Variants in ZNF385D observed in about 807,000 individuals in gnomAD.
The protein encoded by ZNF385D is zinc finger protein 659.
Under a neutral mutation model 35.8 loss-of-function variants are expected in ZNF385D, and 15 were observed. The observed-to-expected ratio is 0.42, with a 90% CI of 0.28 to 0.64. ZNF385D has a LOEUF of 0.64. Ranked by LOEUF, ZNF385D falls within the 30% of genes least tolerant of loss-of-function variation. The pLI is 0.23. For synonymous variants in ZNF385D, 212 were observed against 186.8 expected (o/e 1.13, Z -1.10); for missense variants, 474 against 494.6 (o/e 0.96, Z 0.39).
At chr3:21,612,772 C>G (rs1344026386) in intron 2 of ZNF385D, among the ~76,000 whole-genome samples, 1 of 152,086 alleles carries the variant, frequency 6.6e-6, no homozygotes, top group Non-Finnish European at 1.5e-5. Context: ...ATAATCTAAA[C>G]CTCAATTTTT....
intron 3 of ZNF385D, among the ~76,000 whole-genome samples, chr3:22,139,711 C>T (rs73047061): frequency 0.26 from 39,168 of 151,760 alleles, 5,961 homozygotes; most frequent in East Asian, 0.41. Flanking sequence ...CACATGTATA[C>T]ATATGTAACA....
chr3:21,633,149 G>T (rs2065329897), intron 2 of ZNF385D, among the ~76,000 whole-genome samples: 1 of 151,994 alleles, frequency 6.6e-6, no homozygotes, highest in South Asian at 2.1e-4. Context: ...GAAAGAAAAG[G>T]AATATGTGTA....
chr3:21,501,472 G>A (rs767585766), intron 4 of ZNF385D, among the ~76,000 whole-genome samples: 1 of 152,148 alleles, frequency 6.6e-6, no homozygotes, highest in African/African-American at 2.4e-5. Flanking sequence ...TTTTTACAAC[G>A]AACTCAGTAG....
intron 3 of ZNF385D, among the ~76,000 whole-genome samples, chr3:22,118,338 C>T (rs976570596): frequency 3.3e-5 from 5 of 151,972 alleles, no homozygotes; most frequent in Non-Finnish European, 7.4e-5. Flanking sequence ...TAAATTTCTT[C>T]ATGGAACAAA....
chr3:22,050,263 G>T (rs1699269031), intron 3 of ZNF385D, among the ~76,000 whole-genome samples: 1 of 151,888 alleles, frequency 6.6e-6, no homozygotes, highest in South Asian at 2.1e-4. Context: ...TCAGGAGGCT[G>T]GGGTGGGAAG....
intron 4 of ZNF385D, among the ~76,000 whole-genome samples, chr3:21,437,839 G>A (rs1234116484): frequency 2.6e-5 from 4 of 151,418 alleles, no homozygotes; most frequent in African/African-American, 7.3e-5. Context: ...AAAAGAAGAA[G>A]AAGACTAGTC....
chr3:22,292,380 T>C (rs371545088), intron 2 of ZNF385D, among the ~76,000 whole-genome samples: 6 of 152,090 alleles, frequency 3.9e-5, no homozygotes, highest in Non-Finnish European at 8.8e-5. Flanking sequence ...TTAAGTGTTA[T>C]ACAAAACTCT....
At chr3:22,350,301 G>C (rs1374991653) in intron 2 of ZNF385D, among the ~76,000 whole-genome samples, 2 of 152,108 alleles carry the variant, frequency 1.3e-5, no homozygotes, top group African/African-American at 2.4e-5. Flanking sequence ...AAAAGGAAAA[G>C]ATGTATGGTT....
intron 3 of ZNF385D, among the ~76,000 whole-genome samples, chr3:21,928,955 G>C (rs1055190663): frequency 4.6e-5 from 7 of 152,014 alleles, no homozygotes; most frequent in African/African-American, 1.7e-4. Context: ...GAGAAGGTGA[G>C]AACATTTAAC....
At chr3:22,084,154 C>T (rs1029562489) in intron 3 of ZNF385D, among the ~76,000 whole-genome samples, 1 of 152,178 alleles carries the variant, frequency 6.6e-6, no homozygotes, top group African/African-American at 2.4e-5. Flanking sequence ...ACCATCGTTG[C>T]TAGGAAGAAA....
In ZNF385D at chr3:21,526,047, T is replaced by C. The variant is rs75212461; in HGVS notation, c.277-15024A>G. 2.1e-3 allele frequency among the ~76,000 whole-genome samples: 321 copies of C among 152,252 alleles called. 2 individuals are homozygous for C. The highest frequency in any genetic ancestry group is 6.4e-3 in the African/African-American group (265 of 41,546). On this transcript the variant is annotated intron_variant, in intron 3 of 7. Transcript: ENST00000281523. ...CTGTTACTGGTAAGTAATTTTTATA[T>C]TATTACACCGTAAACAGATGCTATT...
chr3:21,718,476 G>T (rs1290510147), intron 1 of ZNF385D, among the ~76,000 whole-genome samples: 2 of 152,184 alleles, frequency 1.3e-5, no homozygotes, highest in Non-Finnish European at 2.9e-5. Context: ...ATTTATCTAA[G>T]CACTTACTAC....
intron 3 of ZNF385D, among the ~76,000 whole-genome samples, chr3:21,909,777 C>A (rs1206481665): frequency 6.6e-6 from 1 of 151,920 alleles, no homozygotes; most frequent in East Asian, 1.9e-4. Context: ...TTAAATTTAA[C>A]GAGTTTCCGT....
chr3:21,601,988 C>G (rs1210768165), intron 2 of ZNF385D, among the ~76,000 whole-genome samples: 2 of 152,128 alleles, frequency 1.3e-5, no homozygotes, highest in African/African-American at 4.8e-5. Flanking sequence ...AAGAAATACC[C>G]GAGACTGGGT....
At chr3:22,073,097 G>A (rs1214212610) in intron 3 of ZNF385D, among the ~76,000 whole-genome samples, 1 of 151,818 alleles carries the variant, frequency 6.6e-6, no homozygotes, top group Non-Finnish European at 1.5e-5. Flanking sequence ...AATCCATAAG[G>A]GCAGAGACAA....
chr3:21,525,684 CAAAAAAAA>C (rs11308733), intron 3 of ZNF385D, among the ~76,000 whole-genome samples: 2 of 88,378 alleles, frequency 2.3e-5, no homozygotes, highest in African/African-American at 8.5e-5. Context: ...AATTCCATCT[CAAAAAAAA>C]AAAAAAAAAA....
At chr3:22,144,881 T>A (rs756199139) in intron 3 of ZNF385D, among the ~76,000 whole-genome samples, 1 of 152,184 alleles carries the variant, frequency 6.6e-6, no homozygotes, top group African/African-American at 2.4e-5. Context: ...CTTTGGTTCA[T>A]GAAATTATGG....
intron 2 of ZNF385D, among the ~76,000 whole-genome samples, chr3:21,575,503 A>G (rs879759214): frequency 6.6e-6 from 1 of 152,210 alleles, no homozygotes; most frequent in Non-Finnish European, 1.5e-5. Context: ...TTAAGGGAAT[A>G]GCATTTTTTA....
At chr3:21,709,510 C>CAA (rs2068025099) in intron 1 of ZNF385D, among the ~76,000 whole-genome samples, 1 of 151,856 alleles carries the variant, frequency 6.6e-6, no homozygotes, top group Non-Finnish European at 1.5e-5. Flanking sequence ...CAAAACAAAA[C>CAA]AAGACTCACC....
Sources: allele counts gnomAD v4.1 joint callset (sites outside exome capture counted in the v4.1 genomes callset), GRCh38; gene constraint gnomAD v4.1.1; transcripts MANE v1.5; gene names NCBI Gene and HGNC (gene_info 2026-07-23, HGNC 2026-07-21).